Variants in UBXN2A observed in about 807,000 individuals in gnomAD.
UBXN2A encodes the protein UBX domain-containing protein 2A.
UBXN2A carries 28 observed loss-of-function variants against 28.4 expected under a neutral mutation model. The observed-to-expected ratio is 0.99, with a 90% CI of 0.73 to 1.35. The LOEUF (loss-of-function observed/expected upper bound fraction) is 1.35, where lower values mean the gene tolerates loss of function less well. Ranked by LOEUF, UBXN2A falls within the 40% of genes most tolerant of loss-of-function variation. The pLI is 0.00. For missense variants in UBXN2A, 253 were observed against 297.9 expected (o/e 0.85, Z 1.11); for synonymous variants, 97 against 103.6 (o/e 0.94, Z 0.39).
chr2:23,938,101 C>A (rs1351766836), upstream of UBXN2A, among the ~76,000 whole-genome samples: 3 of 152,082 alleles, frequency 2.0e-5, no homozygotes, highest in Admixed American at 6.6e-5. Context: ...ACTATAAATG[C>A]AAAAATATTC....
At chr2:23,982,395 G>C (rs1707949339) in intron 4 of UBXN2A, among the ~76,000 whole-genome samples, 1 of 151,716 alleles carries the variant, frequency 6.6e-6, no homozygotes, top group Non-Finnish European at 1.5e-5. Flanking sequence ...ACAAATTTTT[G>C]TTGGGCCACA....
At position 24,004,106 on chromosome 2, in the gene UBXN2A, C is replaced by T. The variant is rs965805122; in HGVS notation, c.*4239C>T. 4 of 152,084 alleles carry T rather than the reference C, an allele frequency of 2.6e-5. No individual in the cohort carries two copies. Among genetic ancestry groups the T allele is most frequent in the Non-Finnish European group, 5.9e-5 (4 of 68,016 alleles). The allele number at this position is 152,084 out of a possible 1,614,324, so 9.4% of individuals were successfully genotyped here. A position where few individuals can be genotyped will look rare whatever the true frequency, so the allele number is the denominator to read the frequency against. The stretch of plus-strand genomic sequence containing the variant: ...TCTAACTGTGAAACGTTCATTAATG[C>T]GAATAATATCCTCAAAGATTTTCTA... On this transcript the variant is annotated 3_prime_UTR_variant, in exon 7 of 7. Transcript: ENST00000309033.
At chr2:23,956,415 C>T (rs1215169400) in intron 1 of UBXN2A, among the ~76,000 whole-genome samples, 2 of 152,096 alleles carry the variant, frequency 1.3e-5, no homozygotes, top group African/African-American at 4.8e-5. Context: ...TGCAGTGGCG[C>T]AGTCTCAGCT....
intron 3 of UBXN2A, among the ~76,000 whole-genome samples, chr2:23,974,828 A>T (rs1707588114): frequency 6.6e-6 from 1 of 152,062 alleles, no homozygotes; most frequent in African/African-American, 2.4e-5. Context: ...AAAATACAAA[A>T]ATTAGCTGAG....
chr2:23,932,514 C>T (rs1452076774), intron 1 of UBXN2A, among the ~76,000 whole-genome samples: 1 of 150,798 alleles, frequency 6.6e-6, no homozygotes, highest in Non-Finnish European at 1.5e-5. Context: ...AACTGCCCAC[C>T]TTTCCCAACA....
upstream of UBXN2A, among the ~76,000 whole-genome samples, chr2:23,936,357 C>T (rs563339429): frequency 4.0e-5 from 6 of 151,786 alleles, no homozygotes; most frequent in African/African-American, 1.4e-4. Flanking sequence ...CAAAAAAGAA[C>T]AAATATTGTA....
chr2:23,935,071 T>C (rs1339374433), intron 1 of UBXN2A, among the ~76,000 whole-genome samples: 1 of 151,926 alleles, frequency 6.6e-6, no homozygotes, highest in Admixed American at 6.6e-5. Flanking sequence ...CAAGACCCTG[T>C]CTCAAAAAAA....
chr2:23,979,323 C>T (rs940759100), intron 4 of UBXN2A, among the ~76,000 whole-genome samples: 4 of 151,544 alleles, frequency 2.6e-5, no homozygotes, highest in African/African-American at 7.3e-5. Context: ...CCAGCCTGGG[C>T]GACAGAGCGA....
intron 4 of UBXN2A, among the ~76,000 whole-genome samples, chr2:23,980,299 C>T (rs966008861): frequency 6.6e-6 from 1 of 152,128 alleles, no homozygotes; most frequent in Non-Finnish European, 1.5e-5. Context: ...TTTCATTTCT[C>T]TCAGGTATAA....
intron 6 of UBXN2A, among the ~76,000 whole-genome samples, chr2:23,985,068 C>CTT (rs565746054): frequency 4.7e-5 from 7 of 148,120 alleles, no homozygotes; most frequent in Admixed American, 6.8e-5. Flanking sequence ...GCCCAGCTAA[C>CTT]TTTTTTTTTT....
intron 6 of UBXN2A, among the ~76,000 whole-genome samples, chr2:23,991,758 C>T (rs1708362198): frequency 6.6e-6 from 1 of 151,286 alleles, no homozygotes; most frequent in Non-Finnish European, 1.5e-5. Context: ...AGGCGTGAGC[C>T]ACAGTGCCCG....
chr2:23,969,552 A>G, intron 2 of UBXN2A, among the ~76,000 whole-genome samples: 1 of 151,944 alleles, frequency 6.6e-6, no homozygotes, highest in East Asian at 1.9e-4. Context: ...TTGTAGAGAC[A>G]GGGTTTCACC....
rs140028091 is a variant in UBXN2A at position 23,984,770 on chromosome 2, A to G, written c.523A>G (p.Asn175Asp). 6.4e-7 allele frequency: 1 copy of G among 1,572,320 alleles called. No homozygotes were observed. Among genetic ancestry groups the G allele is most frequent in the Middle Eastern group, 1.7e-4 (1 of 5,972 alleles). The change falls in exon 6 of 7, where the codon AAT becomes GAT. Residue 175 changes from asparagine to aspartate, a missense_variant. Coordinates refer to ENST00000309033, the MANE Select transcript of UBXN2A (RefSeq NM_181713.4). ...VPLNNLEPIT[N>D]IQIWLANGKR... is the part of the protein sequence containing the mutation. The stretch of plus-strand genomic sequence containing the variant: ...ACTGAACAACTTGGAACCCATTACT[A>G]ATATACAGATCTGGTTGGCCAATGG...
At chr2:23,977,687 C>G (rs1202586288) in intron 4 of UBXN2A, among the ~76,000 whole-genome samples, 1 of 152,146 alleles carries the variant, frequency 6.6e-6, no homozygotes, top group Non-Finnish European at 1.5e-5. Flanking sequence ...AATGAGTAAT[C>G]TTTGTAATCA....
chr2:23,966,651 C>T (rs1707185380), intron 2 of UBXN2A, among the ~76,000 whole-genome samples: 1 of 148,400 alleles, frequency 6.7e-6, no homozygotes, highest in Non-Finnish European at 1.5e-5. Flanking sequence ...CGGGGTTTCA[C>T]CGTGTTAGCC....
At chr2:23,953,972 A>G (rs1488921663) in intron 1 of UBXN2A, among the ~76,000 whole-genome samples, 5 of 152,124 alleles carry the variant, frequency 3.3e-5, no homozygotes, top group African/African-American at 4.8e-5. Context: ...GCCTAGATTC[A>G]TTATTGCATT....
At chr2:23,961,539 C>T (rs1218367956) in intron 2 of UBXN2A, among the ~76,000 whole-genome samples, 7 of 51,286 alleles carry the variant, frequency 1.4e-4, no homozygotes, top group Non-Finnish European at 1.7e-4. Flanking sequence ...AGAAAACTGC[C>T]TTTTTTTTTT....
At position 23,929,414 on chromosome 2, in the gene UBXN2A, A is replaced by T. The variant is rs112284359; in HGVS notation, c.-138+1799A>T. Among the ~76,000 whole-genome samples the T allele has an allele frequency of 6.8e-3, 932 of 137,224 alleles. 13 individuals are homozygous for T. Among genetic ancestry groups the T allele is most frequent in the African/African-American group, 0.022 (811 of 37,596 alleles). 90.0% of individuals were successfully genotyped at this position (137,224 alleles called of 152,430 possible). On this transcript the variant is annotated intron_variant, in intron 1 of 7. Transcript: ENST00000404924. ...AACACCCTGTCTCAAAAAAATATTTAAAAAAAAAAAAAAAGGGTAGGGTGC... is the reference window on the plus strand; with the variant it reads ...AACACCCTGTCTCAAAAAAATATTTTAAAAAAAAAAAAAAGGGTAGGGTGC...
chr2:23,963,066 G>A lies in UBXN2A; in HGVS notation c.41+4711G>A, dbSNP rs575350784. Among the ~76,000 whole-genome samples, 16 of 152,256 alleles carry A rather than the reference G, an allele frequency of 1.1e-4. No homozygotes were observed. The South Asian group carries it at 1.2e-3, about 12-fold the overall frequency. On this transcript the variant is annotated intron_variant, in intron 2 of 6. Transcript: ENST00000309033. ...GAACTCCTCTTTTTAAAACTATCAC[G>A]TCTCGTGAGACTTATTTATTATCAT...
Sources: gnomAD v4.1 joint callset for allele counts (sites outside exome capture counted in the v4.1 genomes callset) on GRCh38, gnomAD v4.1.1 for gene constraint, MANE v1.5 for transcripts, NCBI Gene and HGNC (gene_info 2026-07-23, HGNC 2026-07-21) for gene names.